NTN1: variants seen among roughly 807,000 people sequenced by gnomAD.
The protein encoded by NTN1 is netrin-1.
In NTN1, 11 loss-of-function variants were observed where a neutral mutation model predicts 54.2. The observed-to-expected ratio is 0.20, with a 90% CI of 0.13 to 0.34. NTN1 has a LOEUF of 0.34. Ranked by LOEUF, NTN1 falls within the 10% of genes least tolerant of loss-of-function variation. The probability of loss-of-function intolerance (pLI) is 1.00; values close to 1 mark genes in which losing one functional copy is unlikely to be tolerated. For missense variants in NTN1, 740 were observed against 893.1 expected (o/e 0.83, Z 2.18); for synonymous variants, 371 against 382.0 (o/e 0.97, Z 0.33).
At chr17:9,197,485 C>G (rs4791817) in intron 5 of NTN1, among the ~76,000 whole-genome samples, 108,073 of 151,508 alleles carry the variant, frequency 0.71, 39,099 homozygotes, top group East Asian at 0.85. Context: ...ATGGCGAAAC[C>G]CTGTCTCTAC....
intron 2 of NTN1, among the ~76,000 whole-genome samples, chr17:9,095,017 C>T (rs4791332): frequency 0.65 from 94,249 of 144,272 alleles, 30,769 homozygotes; most frequent in East Asian, 0.95. Flanking sequence ...AAAAAAGAAA[C>T]AGCATGTTAA....
rs536709810 is a variant in NTN1, at chr17:9,221,749, G to A, written c.1486+507G>A. Among the ~76,000 whole-genome samples the A allele has an allele frequency of 2.0e-5, 3 of 152,274 alleles. No individual in the cohort carries two copies. Among genetic ancestry groups the A allele is most frequent in the African/African-American group, 7.2e-5 (3 of 41,548 alleles). Reference sequence around the variant, plus strand: ...CTCATTCCCATGCACCGGAAGTTCCGCTGCCCAGACCCATGGAGCAGACAG... The same window carrying A: ...CTCATTCCCATGCACCGGAAGTTCCACTGCCCAGACCCATGGAGCAGACAG... On this transcript the variant is annotated intron_variant, in intron 6 of 6. Coordinates refer to ENST00000173229, the MANE Select transcript of NTN1 (RefSeq NM_004822.3). The surrounding 1 kb of genome is among the most constrained non-coding windows in gnomAD (Gnocchi z 4.5).
At chr17:9,005,491 C>G in the NTN1 span, among the ~76,000 whole-genome samples, 1 of 152,136 alleles carries the variant, frequency 6.6e-6, no homozygotes, top group African/African-American at 2.4e-5. Context: ...CACAGCTTCC[C>G]TACGTCTGGG....
intron 1 of NTN1, among the ~76,000 whole-genome samples, chr17:9,021,952 G>T (rs1381983728): frequency 6.6e-6 from 1 of 152,224 alleles, no homozygotes; most frequent in Admixed American, 6.5e-5. Context: ...AGACGAAGGG[G>T]CGCGGGCCGT....
chr17:9,120,006 C>T (rs570114933), intron 2 of NTN1, among the ~76,000 whole-genome samples: 6 of 152,210 alleles, frequency 3.9e-5, no homozygotes, highest in South Asian at 4.1e-4. Flanking sequence ...TCTGGCCGGG[C>T]GTGGTGGCTC....
At position 9,215,264 on chromosome 17, in the gene NTN1, C is replaced by CACACAA. The variant is rs1555577266; in HGVS notation, c.1412-5899_1412-5898insAACACA. 2.8e-3 allele frequency among the ~76,000 whole-genome samples: 413 copies of CACACAA among 146,060 alleles called. 3 individuals are homozygous for CACACAA. Among genetic ancestry groups the CACACAA allele is most frequent in the African/African-American group, 9.6e-3 (388 of 40,346 alleles). ...AGCTAGATAGATACACACACACACA[C>CACACAA]ACACACACACACACACACACACACA... On this transcript the variant is annotated intron_variant, in intron 5 of 6. Coordinates refer to ENST00000173229, the MANE Select transcript of NTN1 (RefSeq NM_004822.3).
At position 9,165,572 on chromosome 17, in the gene NTN1, G is replaced by A. The variant is rs1354936521; in HGVS notation, c.1207+2571G>A. Among the ~76,000 whole-genome samples the A allele has an allele frequency of 1.3e-5, 2 of 152,198 alleles. No homozygotes were observed. The highest frequency in any genetic ancestry group is 2.9e-5 in the Non-Finnish European group (2 of 68,042). ...GGAACCCTGGGAGAATAACTCACAG[G>A]ACGGGAAAACCTAAGGATGGATTCT... On this transcript the variant is annotated intron_variant, in intron 3 of 6. Transcript: ENST00000173229. The surrounding 1 kb of genome is among the most constrained non-coding windows in gnomAD (Gnocchi z 4.5).
rs145215498 is a variant in NTN1, at chr17:9,236,276, G to C, written c.1487-3364G>C. 6.8e-3 allele frequency among the ~76,000 whole-genome samples: 1,033 copies of C among 152,266 alleles called. 9 individuals are homozygous for C. The highest frequency in any genetic ancestry group is 0.024 in the African/African-American group (983 of 41,538). On this transcript the variant is annotated intron_variant, in intron 6 of 6. Coordinates refer to ENST00000173229, the MANE Select transcript of NTN1 (RefSeq NM_004822.3). ...CAGGTACATCTGGGTTGGGAGGGGCGCCAGGTTCCATGTAGCCCAGAGATC... is the reference window on the plus strand; with the variant it reads ...CAGGTACATCTGGGTTGGGAGGGGCCCCAGGTTCCATGTAGCCCAGAGATC...
At chr17:9,222,789 A>G (rs1214392616) in intron 6 of NTN1, among the ~76,000 whole-genome samples, 1 of 152,186 alleles carries the variant, frequency 6.6e-6, no homozygotes, top group South Asian at 2.1e-4. Context: ...TTTAATAAGG[A>G]CAGTGGTCAG....
At chr17:9,046,651 G>A (rs1373339028) in intron 2 of NTN1, among the ~76,000 whole-genome samples, 1 of 152,096 alleles carries the variant, frequency 6.6e-6, no homozygotes, top group Non-Finnish European at 1.5e-5. Context: ...GCTGGGCACG[G>A]TGGTATGTGC....
At chr17:9,066,563 G>A (rs1368134748) in intron 2 of NTN1, among the ~76,000 whole-genome samples, 1 of 152,184 alleles carries the variant, frequency 6.6e-6, no homozygotes, top group Non-Finnish European at 1.5e-5. Flanking sequence ...TGGGGGCAGA[G>A]GTTGCAGTGA....
chr17:9,085,289 C>T (rs896636088), intron 2 of NTN1, among the ~76,000 whole-genome samples: 8 of 152,220 alleles, frequency 5.3e-5, no homozygotes, highest in East Asian at 1.9e-4. Flanking sequence ...CTCAGCTTCC[C>T]GATGGAAGCT....
chr17:9,083,366 G>T (rs977624852), intron 2 of NTN1, among the ~76,000 whole-genome samples: 2 of 152,238 alleles, frequency 1.3e-5, no homozygotes, highest in Admixed American at 1.3e-4. Flanking sequence ...ACAGTGCTGG[G>T]GTTATGGGCG....
intron 2 of NTN1, among the ~76,000 whole-genome samples, chr17:9,128,515 C>T (rs2092254335): frequency 6.6e-6 from 1 of 152,188 alleles, no homozygotes; most frequent in African/African-American, 2.4e-5. Context: ...TTCTCCTTGT[C>T]CCGGTGCAAA....
intron 6 of NTN1, among the ~76,000 whole-genome samples, chr17:9,234,649 C>A (rs1278118869): frequency 6.6e-6 from 1 of 152,236 alleles, no homozygotes; most frequent in Non-Finnish European, 1.5e-5. Context: ...GAGCAGAGCC[C>A]CCTGGGAAGA....
At chr17:9,209,814 C>T (rs1479390458) in intron 5 of NTN1, among the ~76,000 whole-genome samples, 1 of 152,182 alleles carries the variant, frequency 6.6e-6, no homozygotes, top group Non-Finnish European at 1.5e-5. Flanking sequence ...GAATGTAGCT[C>T]AGGCAGCAGA....
chr17:9,176,885 T>G (rs893454483), intron 3 of NTN1: 6 of 152,422 alleles, frequency 3.9e-5, no homozygotes, highest in African/African-American at 1.2e-4. Context: ...GTCCCTGGCC[T>G]CCTCTGTGCT....
rs1045986707 is a variant in NTN1 at position 9,157,468 on chromosome 17, G to T, written c.1019-5345G>T. ...GTTGAGAGGTAAGGAGTGGCCACAG[G>T]CATGTGTTGAAATAGGACTTAGAGG... On this transcript the variant is annotated intron_variant, in intron 2 of 6. Transcript: ENST00000173229. 2.0e-5 allele frequency among the ~76,000 whole-genome samples: 3 copies of T among 152,232 alleles called. No individual in the cohort carries two copies. In the South Asian group the frequency reaches 6.2e-4, roughly 32 times the overall value.
At chr17:9,181,309 C>A (rs1567731189) in intron 4 of NTN1, among the ~76,000 whole-genome samples, 1 of 152,170 alleles carries the variant, frequency 6.6e-6, no homozygotes, top group Admixed American at 6.5e-5. Context: ...CCTGTTTTGT[C>A]CCAGCTTGGG....
Sources: gnomAD v4.1 joint callset for allele counts (sites outside exome capture counted in the v4.1 genomes callset) on GRCh38, gnomAD v4.1.1 for gene constraint, Gnocchi (gnomAD v3.1) non-coding constraint, MANE v1.5 for transcripts, NCBI Gene and HGNC (gene_info 2026-07-23, HGNC 2026-07-21) for gene names.